Variants in LRRC4C observed in about 807,000 individuals in gnomAD.
The protein encoded by LRRC4C is leucine-rich repeat-containing protein 4C.
In LRRC4C, 5 loss-of-function variants were observed where a neutral mutation model predicts 33.6. The ratio of observed to expected loss-of-function variants is 0.15; its 90% CI spans 0.08 to 0.31. LRRC4C has a LOEUF of 0.31. LRRC4C is among the 10% of genes least tolerant of loss of function. The pLI is 1.00. For synonymous variants in LRRC4C, 329 were observed against 302.0 expected (o/e 1.09, Z -0.93); for missense variants, 560 against 796.7 (o/e 0.70, Z 3.58).
At chr11:40,274,599 T>C (rs766087035) in intron 4 of LRRC4C, among the ~76,000 whole-genome samples, 5 of 151,980 alleles carry the variant, frequency 3.3e-5, no homozygotes, top group Non-Finnish European at 5.9e-5. Flanking sequence ...CCATCCAAAA[T>C]GTCAGAGAAG....
intron 3 of LRRC4C, among the ~76,000 whole-genome samples, chr11:40,504,736 G>A (rs1197855198): frequency 2.0e-5 from 3 of 151,988 alleles, no homozygotes; most frequent in African/African-American, 4.8e-5. Context: ...CTATTTTACT[G>A]TCTAGAATGT....
At chr11:40,764,845 T>C (rs1352219105) in intron 2 of LRRC4C, among the ~76,000 whole-genome samples, 1 of 152,164 alleles carries the variant, frequency 6.6e-6, no homozygotes, top group Non-Finnish European at 1.5e-5. Context: ...AGGCAGTACG[T>C]CTACAAGTCT....
intron 3 of LRRC4C, among the ~76,000 whole-genome samples, chr11:40,512,691 C>T (rs905041815): frequency 4.6e-5 from 7 of 152,114 alleles, no homozygotes; most frequent in African/African-American, 7.2e-5. Flanking sequence ...AAGTGAAAGC[C>T]GCTGAGCCAC....
chr11:40,431,213 G>A (rs553843809), intron 3 of LRRC4C, among the ~76,000 whole-genome samples: 8 of 150,428 alleles, frequency 5.3e-5, no homozygotes, highest in Non-Finnish European at 8.9e-5. Context: ...TGGATCACGA[G>A]GTCAGGAGTT....
At chr11:40,989,515 C>T (rs570442663) in intron 1 of LRRC4C, among the ~76,000 whole-genome samples, 4 of 152,056 alleles carry the variant, frequency 2.6e-5, no homozygotes, top group South Asian at 4.2e-4. Context: ...TGTGTTCCAC[C>T]GCAAAAAAAT....
chr11:40,938,110 C>T (rs12280165), intron 1 of LRRC4C, among the ~76,000 whole-genome samples: 10,115 of 152,206 alleles, frequency 0.066, 459 homozygotes, highest in Admixed American at 0.15. Context: ...ATTTAAAAAG[C>T]ATCACTTAAG....
At chr11:40,374,687 C>T (rs960211525) in intron 3 of LRRC4C, among the ~76,000 whole-genome samples, 6 of 152,056 alleles carry the variant, frequency 3.9e-5, no homozygotes, top group African/African-American at 1.4e-4. Context: ...TTAGGAGAAT[C>T]AAAAAGGAGG....
intron 2 of LRRC4C, among the ~76,000 whole-genome samples, chr11:40,669,047 G>T (rs539098655): frequency 3.4e-4 from 51 of 152,218 alleles, no homozygotes; most frequent in African/African-American, 1.2e-3. Flanking sequence ...TCTTAAATAG[G>T]TTTTCTATTC....
intron 5 of LRRC4C, among the ~76,000 whole-genome samples, chr11:40,155,183 T>G (rs1858579743): frequency 6.6e-6 from 1 of 152,002 alleles, no homozygotes; most frequent in South Asian, 2.1e-4. Context: ...TCACAACCTA[T>G]CAAAACTCTG....
At chr11:40,560,323 C>G (rs1957498481) in intron 3 of LRRC4C, among the ~76,000 whole-genome samples, 1 of 152,100 alleles carries the variant, frequency 6.6e-6, no homozygotes, top group Admixed American at 6.5e-5. Context: ...CTCGTCACAA[C>G]CAAATGAAGA....
intron 3 of LRRC4C, among the ~76,000 whole-genome samples, chr11:40,499,817 CCAA>C (rs1156525990): frequency 6.6e-6 from 1 of 152,072 alleles, no homozygotes; most frequent in Non-Finnish European, 1.5e-5. Context: ...ACAAGCTGGA[CCAA>C]CAACAAGGTT....
intron 5 of LRRC4C, among the ~76,000 whole-genome samples, chr11:40,222,332 T>G (rs1167470548): frequency 6.6e-6 from 1 of 152,204 alleles, no homozygotes; most frequent in Non-Finnish European, 1.5e-5. Flanking sequence ...TTAAATAAGA[T>G]AGAGGACAAC....
intron 2 of LRRC4C, among the ~76,000 whole-genome samples, chr11:40,929,080 T>G (rs1957505347): frequency 6.6e-6 from 1 of 152,236 alleles, no homozygotes; most frequent in Non-Finnish European, 1.5e-5. Context: ...ATGTTTCTCT[T>G]CTGAATTCTT....
At chr11:40,775,984 G>C (rs559039306) in intron 2 of LRRC4C, among the ~76,000 whole-genome samples, 1 of 146,272 alleles carries the variant, frequency 6.8e-6, no homozygotes. Flanking sequence ...AACAATGAAG[G>C]GATTTTGGAT....
At chr11:41,264,342 G>A (rs562797344) in intron 1 of LRRC4C, among the ~76,000 whole-genome samples, 7 of 151,942 alleles carry the variant, frequency 4.6e-5, no homozygotes, top group African/African-American at 9.7e-5. Flanking sequence ...CGCCTGCCTC[G>A]GACTCCCAAA....
intron 1 of LRRC4C, among the ~76,000 whole-genome samples, chr11:40,984,379 G>GA (rs1194883012): frequency 1.3e-5 from 1 of 77,462 alleles, no homozygotes; most frequent in South Asian, 3.2e-4. Context: ...AAGAAAGAAA[G>GA]AAAGAAAGAA....
chr11:40,403,330 A>G (rs1565354266), intron 3 of LRRC4C, among the ~76,000 whole-genome samples: 1 of 152,158 alleles, frequency 6.6e-6, no homozygotes, highest in African/African-American at 2.4e-5. Flanking sequence ...TTAGTTAGTC[A>G]AAGCTTTATA....
chr11:40,855,326 T>TTCC (rs1953727213), intron 2 of LRRC4C, among the ~76,000 whole-genome samples: 1 of 152,354 alleles, frequency 6.6e-6, no homozygotes, highest in African/African-American at 2.4e-5. Context: ...AATGAAATGT[T>TTCC]TCCCTATTAG....
chr11:41,044,681 A>G (rs1364450975), intron 1 of LRRC4C, among the ~76,000 whole-genome samples: 1 of 152,170 alleles, frequency 6.6e-6, no homozygotes, highest in East Asian at 1.9e-4. Context: ...AATGTTTACC[A>G]GTTTCACAAC....
Sources: gnomAD v4.1 joint callset for allele counts (sites outside exome capture counted in the v4.1 genomes callset) on GRCh38, gnomAD v4.1.1 for gene constraint, MANE v1.5 for transcripts, NCBI Gene and HGNC (gene_info 2026-07-23, HGNC 2026-07-21) for gene names.